DCDC2: variants seen among roughly 807,000 people sequenced by gnomAD.
DCDC2 encodes the protein doublecortin domain containing 2, also known as doublecortin domain-containing protein 2.
In DCDC2, 40 loss-of-function variants were observed where a neutral mutation model predicts 50.2. That is an observed-to-expected ratio of 0.80 (90% CI 0.62 to 1.04). DCDC2 has a LOEUF of 1.04. Among genes scored for constraint, DCDC2 ranks in the 50% least tolerant of loss-of-function variants. DCDC2 has a pLI of 0.00. For synonymous variants in DCDC2, 234 were observed against 210.6 expected, an observed-to-expected ratio of 1.11 and a Z score of -0.96; for missense variants, 570 against 581.9, an observed-to-expected ratio of 0.98 and a Z score of 0.21.
At chr6:24,381,848 AAG>A in the DCDC2 span, among the ~76,000 whole-genome samples, 9 of 146,488 alleles carry the variant, frequency 6.1e-5, no homozygotes, top group Non-Finnish European at 1.1e-4. Context: ...GGAAGGAAGG[AAG>A]GAAGGAAGGA....
At chr6:24,359,429 T>A (rs1377091447), upstream of DCDC2, among the ~76,000 whole-genome samples, 1 of 55,658 alleles carries the variant, frequency 1.8e-5, no homozygotes, top group African/African-American at 8.6e-5. Flanking sequence ...TTATATATAT[T>A]TATATATACT....
upstream of DCDC2, among the ~76,000 whole-genome samples, chr6:24,359,109 T>C (rs1294961819): frequency 5.0e-5 from 3 of 59,922 alleles, no homozygotes; most frequent in East Asian, 5.5e-4. Context: ...TTTTATATAT[T>C]ATATATTATA....
rs762979285 is a variant in DCDC2 at position 24,205,043 on chromosome 6, G to C, written c.982C>G (p.Gln328Glu). The change falls in exon 8 of 10, where the codon CAA becomes GAA. Residue 328 changes from glutamine (Q) to glutamate (E), a missense_variant. Gln to Glu is a conservative substitution (Grantham distance 29, BLOSUM62 2). Coordinates refer to ENST00000378454, the MANE Select transcript of DCDC2 (RefSeq NM_016356.5). ...TCAACCTGAGTATCTTCATCTTCTTGGACTTCTGCTGCCCCCCGTGTTTCA... is the reference window on the plus strand; with the variant it reads ...TCAACCTGAGTATCTTCATCTTCTTCGACTTCTGCTGCCCCCCGTGTTTCA... ...RSETRGAAEV[Q>E]EDEDTQVEVP... 6.2e-7 allele frequency: 1 copy of C among 1,613,976 alleles called. No individual in the cohort carries two copies. The highest frequency in any genetic ancestry group is 8.5e-7 in the Non-Finnish European group (1 of 1,179,968).
chr6:24,184,237 T>C (rs1156520725), intron 8 of DCDC2, among the ~76,000 whole-genome samples: 2 of 152,088 alleles, frequency 1.3e-5, no homozygotes, highest in African/African-American at 2.4e-5. Context: ...CCAGAACATA[T>C]GAGATCTGCA....
chr6:24,233,782 T>C (rs2071454369), intron 7 of DCDC2, among the ~76,000 whole-genome samples: 1 of 152,198 alleles, frequency 6.6e-6, no homozygotes, highest in Non-Finnish European at 1.5e-5. Flanking sequence ...TATATAATAT[T>C]TGCATTTCAA....
At chr6:24,297,758 A>G (rs1455048341) in intron 4 of DCDC2, among the ~76,000 whole-genome samples, 1 of 152,198 alleles carries the variant, frequency 6.6e-6, no homozygotes, top group Non-Finnish European at 1.5e-5. Context: ...CCAAAATAAA[A>G]TCCAACAAAA....
At position 24,301,836 on chromosome 6, in the gene DCDC2, T is replaced by C; in HGVS notation, c.436A>G (p.Asn146Asp). Residue 146 changes from asparagine to aspartate, a missense_variant, in exon 4 of 10, where the codon AAT (asparagine) becomes GAT (aspartate). Transcript: ENST00000378454. The part of the protein sequence containing the change: ...QEPCTIFLIA[N>D]GDLINPASRL... ...GAAGCTGGGTTTATGAGGTCTCCAT[T>C]TGCAATCAAGCTGGAAAACAGGGGG... 6.2e-7 allele frequency: 1 copy of C among 1,614,170 alleles called. No homozygotes were observed. The highest frequency in any genetic ancestry group is 8.5e-7 in the Non-Finnish European group (1 of 1,180,022).
intron 7 of DCDC2, among the ~76,000 whole-genome samples, chr6:24,252,091 A>C (rs543465505): frequency 1.4e-4 from 21 of 152,296 alleles, no homozygotes; most frequent in Non-Finnish European, 2.2e-4. Context: ...AAATACAAAC[A>C]CAAAGTAGTT....
chr6:24,222,888 T>C (rs546812721), intron 7 of DCDC2, among the ~76,000 whole-genome samples: 1 of 152,244 alleles, frequency 6.6e-6, no homozygotes, highest in African/African-American at 2.4e-5. Context: ...CATATTTGCT[T>C]ATTTGAATAT....
the DCDC2 span, among the ~76,000 whole-genome samples, chr6:24,368,863 G>A: frequency 1.1e-4 from 16 of 152,328 alleles, 1 homozygote; most frequent in South Asian, 2.9e-3. Flanking sequence ...TAGAATGTAA[G>A]CCAGGCGTGG....
intron 4 of DCDC2, among the ~76,000 whole-genome samples, chr6:24,301,293 C>T (rs562483533): frequency 1.3e-4 from 19 of 148,890 alleles, no homozygotes; most frequent in Non-Finnish European, 1.5e-4. Context: ...ATGGCGTGAA[C>T]CCGGGAGGCG....
upstream of DCDC2, among the ~76,000 whole-genome samples, chr6:24,359,480 T>TTG (rs1337882895): frequency 1.5e-4 from 1 of 6,538 alleles, no homozygotes; most frequent in East Asian, 0.038. Context: ...AATATATATT[T>TTG]TATATATAAT....
At chr6:24,240,399 A>C (rs967088196) in intron 7 of DCDC2, among the ~76,000 whole-genome samples, 12 of 152,118 alleles carry the variant, frequency 7.9e-5, no homozygotes, top group African/African-American at 2.7e-4. Context: ...ACTGAACTGC[A>C]GAGTTTTTCC....
intron 9 of DCDC2, 54 bp downstream of exon 9, chr6:24,178,276 T>TAC (rs1240320820): frequency 1.9e-6 from 3 of 1,539,084 alleles, no homozygotes; most frequent in Non-Finnish European, 8.9e-7. Flanking sequence ...TGCACGCATG[T>TAC]ACACACACAC....
At chr6:24,251,362 T>C (rs137915526) in intron 7 of DCDC2, among the ~76,000 whole-genome samples, 1 of 152,350 alleles carries the variant, frequency 6.6e-6, no homozygotes, top group East Asian at 1.9e-4. Flanking sequence ...AGTGCCATTA[T>C]TATTGTTAAT....
intron 7 of DCDC2, among the ~76,000 whole-genome samples, chr6:24,215,649 T>C (rs534793440): frequency 1.3e-5 from 2 of 152,220 alleles, no homozygotes; most frequent in South Asian, 2.1e-4. Flanking sequence ...CATATTAAAA[T>C]TGGAGATCAG....
rs140446507 is a variant in DCDC2 at position 24,245,800 on chromosome 6, C to T, written c.922+32249G>A. ...GAGATCAAAGACAACAGAAACAATA[C>T]TGAAAGAAAACAACAGTATAAACAA... On this transcript the variant is annotated intron_variant, in intron 7 of 9. Coordinates refer to ENST00000378454, the MANE Select transcript of DCDC2 (RefSeq NM_016356.5). Among the ~76,000 whole-genome samples the T allele has an allele frequency of 4.5e-4, 69 of 152,048 alleles. No homozygotes were observed. In the East Asian group the frequency reaches 6.0e-3, roughly 13 times the overall value.
At chr6:24,348,983 T>C (rs1349164771) in intron 2 of DCDC2, among the ~76,000 whole-genome samples, 2 of 152,202 alleles carry the variant, frequency 1.3e-5, no homozygotes, top group Admixed American at 1.3e-4. Context: ...CCAAAGCCCC[T>C]TACACAGTAA....
At chr6:24,219,650 A>AC (rs1267268639) in intron 7 of DCDC2, among the ~76,000 whole-genome samples, 1 of 152,242 alleles carries the variant, frequency 6.6e-6, no homozygotes, top group Non-Finnish European at 1.5e-5. Flanking sequence ...GTGCGGTCAC[A>AC]CAGGGCCCTG....
Sources: allele counts gnomAD v4.1 joint callset (sites outside exome capture counted in the v4.1 genomes callset), GRCh38; gene constraint gnomAD v4.1.1; transcripts MANE v1.5; gene names NCBI Gene and HGNC (gene_info 2026-07-23, HGNC 2026-07-21).